The following HEATR4 variants were observed in gnomAD, a reference collection of about 807,000 sequenced individuals.
HEATR4 encodes HEAT repeat containing 4.
In HEATR4, 95 loss-of-function variants were observed where a neutral mutation model predicts 108.8. The ratio of observed to expected loss-of-function variants is 0.87; its 90% CI spans 0.74 to 1.04. The LOEUF (loss-of-function observed/expected upper bound fraction) is 1.04. Among genes scored for constraint, HEATR4 ranks in the 50% least tolerant of loss-of-function variants. The pLI is 0.00. For missense variants in HEATR4, 1,152 were observed against 1,253.8 expected, an observed-to-expected ratio of 0.92 and a Z score of 1.23; for synonymous variants, 443 against 459.4, an observed-to-expected ratio of 0.96 and a Z score of 0.46.
At chr14:73,489,789 T>G (rs946778414) in intron 17 of HEATR4, among the ~76,000 whole-genome samples, 2 of 152,160 alleles carry the variant, frequency 1.3e-5, no homozygotes. Flanking sequence ...ATATCAAGAA[T>G]GCAAGTAGAG....
chr14:73,517,972 G>C (rs1380484764), intron 5 of HEATR4, among the ~76,000 whole-genome samples: 8 of 152,180 alleles, frequency 5.3e-5, no homozygotes. Flanking sequence ...TGTAGTCCCA[G>C]CTACTCGTGA....
At chr14:73,491,173 G>T in intron 17 of HEATR4, 1 of 1,601,890 alleles carries the variant, frequency 6.2e-7, no homozygotes, top group Non-Finnish European at 8.5e-7. Context: ...GCATGGCAGC[G>T]CTGAGGACGC....
At chr14:73,621,645 C>T in the HEATR4 span, among the ~76,000 whole-genome samples, 8 of 152,100 alleles carry the variant, frequency 5.3e-5, no homozygotes, top group African/African-American at 1.9e-4. Flanking sequence ...CAAGCAAGTG[C>T]CCATTAGATC....
chr14:73,560,465 A>G (rs1179726942), upstream of HEATR4, among the ~76,000 whole-genome samples: 1 of 152,028 alleles, frequency 6.6e-6, no homozygotes, highest in Admixed American at 6.6e-5. Flanking sequence ...GATTTAAACC[A>G]TCCTGGGTAA....
At chr14:73,594,673 G>GTTATTTAT in the HEATR4 span, among the ~76,000 whole-genome samples, 6,270 of 147,188 alleles carry the variant, frequency 0.043, 198 homozygotes, top group African/African-American at 0.072. Flanking sequence ...CATTGGATAA[G>GTTATTTAT]TTATTTATTT....
chr14:73,492,506 G>T lies in HEATR4; in HGVS notation c.2844+560C>A. 1 of 1,613,662 alleles carries T rather than the reference G, an allele frequency of 6.2e-7. No homozygotes were observed. Among genetic ancestry groups the T allele is most frequent in the East Asian group, 2.2e-5 (1 of 44,884 alleles). The stretch of plus-strand genomic sequence containing the variant: ...GGGACACTTTGCTCCTGTTGATGCT[G>T]TGGCCGACCAGCGAGCCAAAGACTT... On this transcript the variant is annotated intron_variant, in intron 17 of 17. Coordinates refer to ENST00000553558, the MANE Select transcript of HEATR4 (RefSeq NM_001220484.1). This position sits in a 1 kb window ranked among gnomAD's most constrained non-coding sequence, Gnocchi z 4.9.
At chr14:73,518,596 G>A (rs1445099042) in intron 5 of HEATR4, among the ~76,000 whole-genome samples, 1 of 152,132 alleles carries the variant, frequency 6.6e-6, no homozygotes, top group Non-Finnish European at 1.5e-5. Flanking sequence ...AGTGAAGAAT[G>A]ATGAACTTGT....
intron 1 of HEATR4, chr14:73,541,608 T>C: frequency 8.0e-7 from 1 of 1,243,846 alleles, no homozygotes; most frequent in Non-Finnish European, 1.1e-6. Context: ...TGGCTTACTA[T>C]AACTATGAAG....
At chr14:73,586,159 C>CAACACAG in the HEATR4 span, among the ~76,000 whole-genome samples, 1 of 151,346 alleles carries the variant, frequency 6.6e-6, no homozygotes, top group Non-Finnish European at 1.5e-5. Flanking sequence ...TTTGGGAGGC[C>CAACACAG]GAGGCGAGTG....
the HEATR4 span, among the ~76,000 whole-genome samples, chr14:73,594,826 A>G: frequency 1.3e-5 from 2 of 152,002 alleles, no homozygotes; most frequent in Non-Finnish European, 2.9e-5. Context: ...TCAGCCTCCC[A>G]GGTAACTGGG....
At chr14:73,578,812 C>T in the HEATR4 span, among the ~76,000 whole-genome samples, 4 of 151,336 alleles carry the variant, frequency 2.6e-5, no homozygotes, top group Non-Finnish European at 5.9e-5. Context: ...ATTGGCCAGG[C>T]GCGGTGGCTC....
the HEATR4 span, chr14:73,613,012 G>T: frequency 2.2e-6 from 2 of 924,160 alleles, no homozygotes; most frequent in Non-Finnish European, 3.0e-6. Flanking sequence ...TGCGCGCCGC[G>T]CTCTTCCTGC....
chr14:73,610,034 A>G, the HEATR4 span, among the ~76,000 whole-genome samples: 1 of 151,402 alleles, frequency 6.6e-6, no homozygotes. Context: ...GTGTACCTGG[A>G]TAAACACCTC....
chr14:73,611,107 C>T, the HEATR4 span: 1 of 152,186 alleles, frequency 6.6e-6, no homozygotes, highest in African/African-American at 2.4e-5. Context: ...TCTCACTGGA[C>T]TCAGACAAGT....
At chr14:73,478,984 G>C (rs975029606) in intron 17 of HEATR4, 142 bp from the exon 18 acceptor site, 4 of 569,010 alleles carry the variant, frequency 7.0e-6, no homozygotes, top group Non-Finnish European at 1.2e-5. Context: ...TGTCGCCCAG[G>C]CTGGAGTTCA....
At chr14:73,567,453 C>T in the HEATR4 span, among the ~76,000 whole-genome samples, 246 of 152,054 alleles carry the variant, frequency 1.6e-3, 6 homozygotes, top group Admixed American at 2.7e-3. Context: ...GGTTTGTAAA[C>T]GCACCAATCA....
intron 17 of HEATR4, among the ~76,000 whole-genome samples, chr14:73,479,398 G>A (rs1885151587): frequency 1.4e-5 from 2 of 139,884 alleles, no homozygotes; most frequent in Admixed American, 1.5e-4. Flanking sequence ...TACGGTGTCA[G>A]CCACTGCGCC....
At chr14:73,611,869 A>G in the HEATR4 span, among the ~76,000 whole-genome samples, 1 of 152,126 alleles carries the variant, frequency 6.6e-6, no homozygotes, top group Non-Finnish European at 1.5e-5. Context: ...ACTGAGGGGT[A>G]AAGGACGGAT....
chr14:73,505,673 G>A (rs1020810692), intron 10 of HEATR4, among the ~76,000 whole-genome samples: 1 of 151,972 alleles, frequency 6.6e-6, no homozygotes, highest in Admixed American at 6.6e-5. Context: ...CATTACAGGT[G>A]TGAGCCACCG....
Sources: allele counts gnomAD v4.1 joint callset (sites outside exome capture counted in the v4.1 genomes callset), GRCh38; gene constraint gnomAD v4.1.1; non-coding constraint Gnocchi (gnomAD v3.1); transcripts MANE v1.5; gene names NCBI Gene and HGNC (gene_info 2026-07-23, HGNC 2026-07-21).